The following NME5 variants were observed in gnomAD, a reference collection of about 807,000 sequenced individuals.
The protein encoded by NME5 is nucleoside diphosphate kinase 5.
Under a neutral mutation model 21.6 loss-of-function variants are expected in NME5, and 18 were observed. That is an observed-to-expected ratio of 0.83 (90% confidence interval 0.58 to 1.24). The LOEUF is 1.24. Ranked by LOEUF, NME5 falls within the 50% of genes most tolerant of loss-of-function variation. The probability of loss-of-function intolerance (pLI) is 0.00; values close to 1 mark genes in which losing one functional copy is unlikely to be tolerated. For synonymous variants in NME5, 70 were observed against 80.6 expected, an observed-to-expected ratio of 0.87 and a Z score of 0.71; for missense variants, 223 against 255.4, an observed-to-expected ratio of 0.87 and a Z score of 0.86.
At chr5:138,138,125 T>C (rs896438181) in intron 2 of NME5, among the ~76,000 whole-genome samples, 5 of 152,236 alleles carry the variant, frequency 3.3e-5, no homozygotes, top group African/African-American at 9.6e-5. Context: ...TGTTTACTAA[T>C]TGCAGAACAT....
Position 138,128,595 on chromosome 5 carries a change from A to G in NME5, c.336-16T>C. 6.4e-7 allele frequency: 1 copy of G among 1,567,868 alleles called. No individual in the cohort carries two copies. The highest frequency in any genetic ancestry group is 1.1e-5 in the South Asian group (1 of 88,114). ...TGCCCTCAGACTAAAAACAAGTTAGAGATGACGTCCATCCAATCTAACGTC... is the reference window on the plus strand; with the variant it reads ...TGCCCTCAGACTAAAAACAAGTTAGGGATGACGTCCATCCAATCTAACGTC... On this transcript the variant is annotated splice_polypyrimidine_tract_variant and intron_variant, in intron 3 of 5. Transcript: ENST00000265191.
intron 5 of NME5, 43 bp downstream of exon 5, chr5:138,118,775 C>A (rs746270456): frequency 1.5e-6 from 2 of 1,353,702 alleles, no homozygotes; most frequent in Non-Finnish European, 2.1e-6. Flanking sequence ...AGCCACCACG[C>A]CTGGTGACAA....
chr5:138,135,193 CTG>C (rs1751668858), intron 2 of NME5, among the ~76,000 whole-genome samples: 1 of 145,736 alleles, frequency 6.9e-6, no homozygotes, highest in South Asian at 2.3e-4. Flanking sequence ...TGGAGGGTGC[CTG>C]TAGTCCCAGC....
chr5:138,123,851 C>T (rs969079871), intron 4 of NME5, among the ~76,000 whole-genome samples: 35 of 152,188 alleles, frequency 2.3e-4, no homozygotes, highest in African/African-American at 8.2e-4. Flanking sequence ...CAAATGTGTA[C>T]AAGCATTCCA....
chr5:138,122,441 T>TAAAAAAA (rs70979581), intron 4 of NME5, among the ~76,000 whole-genome samples: 7 of 34,462 alleles, frequency 2.0e-4, no homozygotes, highest in South Asian at 1.8e-3. Context: ...ACTCTGTCTC[T>TAAAAAAA]AAAAAAAAAA....
chr5:138,135,046 T>C (rs2151170412), intron 2 of NME5, among the ~76,000 whole-genome samples: 2 of 146,644 alleles, frequency 1.4e-5, no homozygotes, highest in East Asian at 4.5e-4. Context: ...TGGCCGGGCA[T>C]AGTGGCTCAC....
chr5:138,122,254 C>T (rs1015568282), intron 4 of NME5, among the ~76,000 whole-genome samples: 7 of 151,522 alleles, frequency 4.6e-5, no homozygotes, highest in African/African-American at 1.2e-4. Flanking sequence ...GCCTGCCCAA[C>T]GTGGCGAAAC....
At chr5:138,122,583 A>T (rs956062329) in intron 4 of NME5, among the ~76,000 whole-genome samples, 1 of 151,486 alleles carries the variant, frequency 6.6e-6, no homozygotes, top group Non-Finnish European at 1.5e-5. Context: ...AATGTATACA[A>T]TTTTTTCTCA....
intron 2 of NME5, among the ~76,000 whole-genome samples, chr5:138,135,510 T>A (rs1581387851): frequency 6.6e-6 from 1 of 151,522 alleles, no homozygotes; most frequent in Non-Finnish European, 1.5e-5. Flanking sequence ...AATTTTCATA[T>A]TTTTAGTAGA....
chr5:138,118,308 G>A (rs1341965707), intron 5 of NME5, among the ~76,000 whole-genome samples: 2 of 150,346 alleles, frequency 1.3e-5, no homozygotes, highest in African/African-American at 4.9e-5. Context: ...TATATTTTTA[G>A]TAGAGATGGG....
intron 2 of NME5, among the ~76,000 whole-genome samples, chr5:138,134,627 G>A (rs1287770322): frequency 6.6e-6 from 1 of 151,910 alleles, no homozygotes; most frequent in Non-Finnish European, 1.5e-5. Flanking sequence ...TGATCCACCC[G>A]CCTCATCCTC....
At chr5:138,134,419 T>G (rs1261752387) in intron 2 of NME5, among the ~76,000 whole-genome samples, 1 of 151,518 alleles carries the variant, frequency 6.6e-6, no homozygotes, top group Non-Finnish European at 1.5e-5. Context: ...AATTTTTGTG[T>G]TTTTAGTAGA....
Position 138,129,474 on chromosome 5 carries a change from A to G in NME5, c.130-6T>C, listed in dbSNP as rs1037457685. ...CTGAGGCGTAGTTTTCTTCTCTATA[A>G]AAGACACAAAGTCAACAAAAGCATT... On this transcript the variant is annotated splice_polypyrimidine_tract_variant and splice_region_variant and intron_variant, in intron 2 of 5. Transcript: ENST00000265191. The G allele has an allele frequency of 1.2e-6, 2 of 1,606,232 alleles. No individual in the cohort carries two copies. Among genetic ancestry groups the G allele is most frequent in the Non-Finnish European group, 1.7e-6 (2 of 1,173,408 alleles).
chr5:138,127,375 A>T (rs1237905034), intron 4 of NME5: 4 of 609,050 alleles, frequency 6.6e-6, no homozygotes, highest in Non-Finnish European at 8.2e-6. Flanking sequence ...GTTGTATCAC[A>T]TCAGTTATTC....
At chr5:138,130,816 C>G (rs1751544926) in intron 2 of NME5, among the ~76,000 whole-genome samples, 1 of 151,904 alleles carries the variant, frequency 6.6e-6, no homozygotes, top group African/African-American at 2.4e-5. Flanking sequence ...GTCCCAGCTA[C>G]TCGGAAGGCT....
intron 4 of NME5, among the ~76,000 whole-genome samples, chr5:138,122,849 T>C (rs1392648154): frequency 1.3e-5 from 2 of 151,834 alleles, no homozygotes; most frequent in African/African-American, 4.8e-5. Flanking sequence ...GGCTAATTTT[T>C]TTTTATTTTT....
chr5:138,132,692 C>T (rs1026446076), intron 2 of NME5, among the ~76,000 whole-genome samples: 2 of 152,104 alleles, frequency 1.3e-5, no homozygotes, highest in African/African-American at 4.8e-5. Context: ...GGGACCAAAC[C>T]GCCCAGAGCA....
At chr5:138,133,074 C>T (rs558842727) in intron 2 of NME5, among the ~76,000 whole-genome samples, 9 of 151,454 alleles carry the variant, frequency 5.9e-5, no homozygotes, top group African/African-American at 2.2e-4. Context: ...CAATGTAGCA[C>T]AATTTTTAAA....
At chr5:138,131,016 A>T (rs1751552464) in intron 2 of NME5, among the ~76,000 whole-genome samples, 1 of 151,696 alleles carries the variant, frequency 6.6e-6, no homozygotes, top group Non-Finnish European at 1.5e-5. Context: ...GGATCACCTG[A>T]GGTCAGGAGT....
Sources: gnomAD v4.1 joint callset for allele counts (sites outside exome capture counted in the v4.1 genomes callset) on GRCh38, gnomAD v4.1.1 for gene constraint, MANE v1.5 for transcripts, NCBI Gene and HGNC (gene_info 2026-07-23, HGNC 2026-07-21) for gene names.